The following MAN1A2 variants were observed in gnomAD, a reference collection of about 807,000 sequenced individuals.
MAN1A2 encodes mannosidase alpha class 1A member 2.
A neutral mutation model predicts 75.7 loss-of-function variants in MAN1A2; 26 were observed. The ratio of observed to expected loss-of-function variants is 0.34; its 90% CI spans 0.25 to 0.48. The LOEUF (loss-of-function observed/expected upper bound fraction) is 0.48, where lower values mean the gene tolerates loss of function less well. MAN1A2 is among the 20% of genes least tolerant of loss of function. MAN1A2 has a pLI of 0.99. For synonymous variants in MAN1A2, 247 were observed against 264.6 expected, an observed-to-expected ratio of 0.93 and a Z score of 0.65; for missense variants, 562 against 775.5, an observed-to-expected ratio of 0.72 and a Z score of 3.27.
intron 2 of MAN1A2, among the ~76,000 whole-genome samples, chr1:117,404,684 A>G (rs1202203650): frequency 6.6e-6 from 1 of 152,188 alleles, no homozygotes; most frequent in Non-Finnish European, 1.5e-5. Flanking sequence ...AATCACATGT[A>G]TCCACTCACT....
chr1:117,414,869 C>T (rs1413646314), intron 4 of MAN1A2, 38 bp downstream of exon 4: 1 of 1,213,238 alleles, frequency 8.2e-7, no homozygotes, highest in African/African-American at 1.5e-5. Context: ...TTAGATTAAC[C>T]ATGAAAAGAC....
chr1:117,455,005 A>T (rs2101828781), intron 6 of MAN1A2, among the ~76,000 whole-genome samples: 1 of 152,274 alleles, frequency 6.6e-6, no homozygotes, highest in South Asian at 2.1e-4. Flanking sequence ...GAAACAACTA[A>T]TGGGAAAAAT....
intron 6 of MAN1A2, among the ~76,000 whole-genome samples, chr1:117,443,372 A>G (rs3767797): frequency 0.61 from 91,994 of 151,990 alleles, 28,160 homozygotes; most frequent in Non-Finnish European, 0.65. Flanking sequence ...AAGCTGGCTG[A>G]AGTTCCAGAG....
intron 1 of MAN1A2, among the ~76,000 whole-genome samples, chr1:117,373,532 CAG>C (rs1653041720): frequency 7.0e-6 from 1 of 143,346 alleles, no homozygotes; most frequent in African/African-American, 2.6e-5. Flanking sequence ...GGCTGGAGTG[CAG>C]TGGCACAATT....
intron 7 of MAN1A2, among the ~76,000 whole-genome samples, chr1:117,462,104 A>G (rs1256767615): frequency 1.3e-5 from 2 of 152,178 alleles, no homozygotes; most frequent in Non-Finnish European, 2.9e-5. Flanking sequence ...CAGGAATATT[A>G]AAGGCTTAAC....
chr1:117,504,314 G>GTT (rs56375805), intron 12 of MAN1A2, among the ~76,000 whole-genome samples: 7 of 138,012 alleles, frequency 5.1e-5, no homozygotes, highest in Non-Finnish European at 7.9e-5. Context: ...TATCTCTCCT[G>GTT]TTTTTTTTTT....
intron 5 of MAN1A2, among the ~76,000 whole-genome samples, chr1:117,432,935 T>C (rs1487832897): frequency 6.7e-6 from 1 of 148,520 alleles, no homozygotes; most frequent in Non-Finnish European, 1.5e-5. Flanking sequence ...TAAAAGATCT[T>C]TTATATTCTT....
intron 1 of MAN1A2, among the ~76,000 whole-genome samples, chr1:117,379,988 T>C (rs770052046): frequency 6.6e-6 from 1 of 152,174 alleles, no homozygotes; most frequent in Non-Finnish European, 1.5e-5. Flanking sequence ...TGTTTTCAGT[T>C]CTCTTGGTTA....
chr1:117,429,604 G>C (rs1386536917), intron 5 of MAN1A2, among the ~76,000 whole-genome samples: 1 of 113,566 alleles, frequency 8.8e-6, no homozygotes, highest in Non-Finnish European at 1.9e-5. Flanking sequence ...CTCCCTCCCG[G>C]ATGGGGCGGC....
intron 12 of MAN1A2, among the ~76,000 whole-genome samples, chr1:117,513,790 C>G (rs1384418431): frequency 2.6e-5 from 4 of 152,074 alleles, no homozygotes; most frequent in Non-Finnish European, 5.9e-5. Flanking sequence ...GTTTATTGCC[C>G]TAAGTTTGTC....
intron 12 of MAN1A2, among the ~76,000 whole-genome samples, chr1:117,512,493 G>T (rs1478211654): frequency 6.6e-6 from 1 of 151,964 alleles, no homozygotes; most frequent in Non-Finnish European, 1.5e-5. Context: ...CTGCTGGTCT[G>T]GGGGAATCAC....
chr1:117,431,011 C>G (rs1221087137), intron 5 of MAN1A2, among the ~76,000 whole-genome samples: 4 of 130,854 alleles, frequency 3.1e-5, no homozygotes, highest in Non-Finnish European at 6.6e-5. Context: ...GGCTGGAGAC[C>G]GGCCCGGCCA....
At chr1:117,432,409 T>A (rs1162102041) in intron 5 of MAN1A2, among the ~76,000 whole-genome samples, 1 of 152,136 alleles carries the variant, frequency 6.6e-6, no homozygotes, top group Non-Finnish European at 1.5e-5. Context: ...GAAGACAGAT[T>A]ACCAATAGCA....
At chr1:117,376,350 A>G (rs1427729582) in intron 1 of MAN1A2, among the ~76,000 whole-genome samples, 1 of 152,228 alleles carries the variant, frequency 6.6e-6, no homozygotes, top group Non-Finnish European at 1.5e-5. Context: ...AGCTCCGCTT[A>G]TTATGTAACC....
At chr1:117,376,636 A>G (rs1287643378) in intron 1 of MAN1A2, among the ~76,000 whole-genome samples, 1 of 152,232 alleles carries the variant, frequency 6.6e-6, no homozygotes, top group Non-Finnish European at 1.5e-5. Flanking sequence ...TTGGTAAGGA[A>G]TCAGGCTCTG....
At chr1:117,389,740 A>T (rs1653659578) in intron 1 of MAN1A2, among the ~76,000 whole-genome samples, 2 of 151,082 alleles carry the variant, frequency 1.3e-5, no homozygotes, top group African/African-American at 4.9e-5. Flanking sequence ...GTCTGATTGC[A>T]CTGCTAGAAC....
intron 5 of MAN1A2, among the ~76,000 whole-genome samples, chr1:117,440,663 A>G (rs1649001009): frequency 6.6e-6 from 1 of 152,082 alleles, no homozygotes; most frequent in Non-Finnish European, 1.5e-5. Flanking sequence ...TTTTTAGTTG[A>G]AAATTAGACA....
At chr1:117,409,935 T>G (rs756284197) in intron 3 of MAN1A2, among the ~76,000 whole-genome samples, 13 of 151,966 alleles carry the variant, frequency 8.6e-5, no homozygotes, top group Non-Finnish European at 1.9e-4. Context: ...CCATGGAGGA[T>G]TGGTTTCAGG....
chr1:117,457,022 G>A (rs1649602424), intron 6 of MAN1A2, among the ~76,000 whole-genome samples: 2 of 151,966 alleles, frequency 1.3e-5, no homozygotes, highest in Admixed American at 6.6e-5. Flanking sequence ...TGCAAGCTTT[G>A]TTTCTAATAA....
Sources: allele counts gnomAD v4.1 joint callset (sites outside exome capture counted in the v4.1 genomes callset), GRCh38; gene constraint gnomAD v4.1.1; transcripts MANE v1.5; gene names NCBI Gene and HGNC (gene_info 2026-07-23, HGNC 2026-07-21).